The following LYPLAL1 variants were observed in gnomAD, a reference collection of about 807,000 sequenced individuals.
The protein encoded by LYPLAL1 is lysophospholipase like 1.
LYPLAL1 carries 23 observed loss-of-function variants against 19.7 expected under a neutral mutation model. The observed-to-expected ratio is 1.17, with a 90% CI of 0.84 to 1.65. The LOEUF is 1.65. Ranked by LOEUF, LYPLAL1 falls within the 40% of genes most tolerant of loss-of-function variation. The pLI, the probability that LYPLAL1 is intolerant of heterozygous loss-of-function variation, is 0.00. For missense variants in LYPLAL1, 355 were observed against 279.4 expected (o/e 1.27, Z -1.93); for synonymous variants, 119 against 96.3 (o/e 1.24, Z -1.38).
In LYPLAL1 at chr1:219,212,689, A is replaced by C. The variant is rs1412157141; in HGVS notation, c.*961A>C. ...CAATACCTGCCTGCTTTCATTCAAC[A>C]AAATTATCATGAGATTTTTCCATGT... On this transcript the variant is annotated 3_prime_UTR_variant, in exon 5 of 5. Coordinates refer to ENST00000366928, the MANE Select transcript of LYPLAL1 (RefSeq NM_138794.5). 6.6e-6 allele frequency: 1 copy of C among 152,090 alleles called. No individual in the cohort carries two copies. The highest frequency in any genetic ancestry group is 1.5e-5 in the Non-Finnish European group (1 of 67,960). 9.4% of individuals were successfully genotyped at this position (152,090 alleles called of 1,614,324 possible).
the LYPLAL1 span, among the ~76,000 whole-genome samples, chr1:219,291,875 C>T: frequency 3.5e-5 from 5 of 143,668 alleles, no homozygotes; most frequent in East Asian, 4.0e-4. Flanking sequence ...CAGGATAAAG[C>T]GGAATAAAGC....
the LYPLAL1 span, among the ~76,000 whole-genome samples, chr1:219,376,779 T>G: frequency 6.6e-6 from 1 of 152,158 alleles, no homozygotes; most frequent in Non-Finnish European, 1.5e-5. Context: ...TTCACGATCA[T>G]TAGAATGGGC....
chr1:219,307,372 C>T, the LYPLAL1 span, among the ~76,000 whole-genome samples: 1 of 152,126 alleles, frequency 6.6e-6, no homozygotes, highest in Non-Finnish European at 1.5e-5. Context: ...GAGATGGTTT[C>T]TTCCAAACCC....
At chr1:219,230,861 ATTC>A in the LYPLAL1 span, among the ~76,000 whole-genome samples, 1 of 152,230 alleles carries the variant, frequency 6.6e-6, no homozygotes, top group Non-Finnish European at 1.5e-5. Context: ...CAAGAGCTGA[ATTC>A]TTAAGACAAC....
At chr1:219,406,234 C>A in the LYPLAL1 span, among the ~76,000 whole-genome samples, 13 of 152,302 alleles carry the variant, frequency 8.5e-5, no homozygotes, top group Non-Finnish European at 1.6e-4. Flanking sequence ...GATTTTAATT[C>A]GCTAAATTTA....
At chr1:219,388,909 A>G in the LYPLAL1 span, among the ~76,000 whole-genome samples, 1 of 152,114 alleles carries the variant, frequency 6.6e-6, no homozygotes, top group African/African-American at 2.4e-5. Flanking sequence ...TCCTTAACTC[A>G]TTATGTGGTT....
At chr1:219,197,955 A>G (rs995159642) in intron 3 of LYPLAL1, among the ~76,000 whole-genome samples, 2 of 152,162 alleles carry the variant, frequency 1.3e-5, no homozygotes, top group Non-Finnish European at 2.9e-5. Context: ...CAGATTGCCC[A>G]TAAACCTCAA....
chr1:219,225,622 G>A, the LYPLAL1 span: 9 of 152,100 alleles, frequency 5.9e-5, no homozygotes, highest in Non-Finnish European at 1.3e-4. Flanking sequence ...CCAGCCTCTG[G>A]TTTCTCCTCT....
chr1:219,321,380 A>G, the LYPLAL1 span, among the ~76,000 whole-genome samples: 2 of 152,096 alleles, frequency 1.3e-5, no homozygotes, highest in African/African-American at 4.8e-5. Context: ...ATTTTCTCCC[A>G]TTCTGTAGGC....
the LYPLAL1 span, among the ~76,000 whole-genome samples, chr1:219,432,570 C>A: frequency 1.3e-5 from 2 of 152,048 alleles, no homozygotes; most frequent in East Asian, 1.9e-4. Context: ...GCCAAGCAAC[C>A]CATTCATCTC....
At chr1:219,210,428 C>G in intron 3 of LYPLAL1, 104 bp from the exon 4 acceptor site, 1 of 801,098 alleles carries the variant, frequency 1.2e-6, no homozygotes, top group Non-Finnish European at 1.9e-6. Flanking sequence ...TTAGCATTCT[C>G]TTTAAAGGTC....
chr1:219,373,732 G>A, the LYPLAL1 span, among the ~76,000 whole-genome samples: 2 of 151,936 alleles, frequency 1.3e-5, no homozygotes, highest in Non-Finnish European at 2.9e-5. Flanking sequence ...CTATTATAGC[G>A]AAGTACAGCA....
chr1:219,204,841 A>T (rs1658422836), intron 3 of LYPLAL1, among the ~76,000 whole-genome samples: 1 of 152,102 alleles, frequency 6.6e-6, no homozygotes, highest in Non-Finnish European at 1.5e-5. Context: ...GTTAAGAGAG[A>T]ATACTGTTAT....
the LYPLAL1 span, among the ~76,000 whole-genome samples, chr1:219,413,619 T>G: frequency 6.6e-6 from 1 of 152,236 alleles, no homozygotes; most frequent in African/African-American, 2.4e-5. Context: ...CTAGGGAAAG[T>G]AAGCAGCTGT....
At chr1:219,416,598 A>G in the LYPLAL1 span, among the ~76,000 whole-genome samples, 6 of 152,176 alleles carry the variant, frequency 3.9e-5, no homozygotes, top group African/African-American at 1.4e-4. Flanking sequence ...CCCACTTTTA[A>G]TTGTATGCAA....
At chr1:219,189,866 A>C (rs1260415928) in intron 2 of LYPLAL1, among the ~76,000 whole-genome samples, 1 of 151,654 alleles carries the variant, frequency 6.6e-6, no homozygotes, top group Non-Finnish European at 1.5e-5. Flanking sequence ...TTTTTTGATA[A>C]ATTTATTGGA....
chr1:219,323,959 G>A, the LYPLAL1 span, among the ~76,000 whole-genome samples: 1 of 152,068 alleles, frequency 6.6e-6, no homozygotes, highest in Non-Finnish European at 1.5e-5. Flanking sequence ...TCATGTTTTG[G>A]CAGATCATCA....
the LYPLAL1 span, among the ~76,000 whole-genome samples, chr1:219,376,611 A>G: frequency 6.6e-6 from 1 of 152,210 alleles, no homozygotes; most frequent in East Asian, 1.9e-4. Context: ...CTAAAACCCA[A>G]CAAGAAAACA....
chr1:219,176,305 CA>C (rs1433959348), intron 1 of LYPLAL1, among the ~76,000 whole-genome samples: 1 of 152,160 alleles, frequency 6.6e-6, no homozygotes, highest in Admixed American at 6.5e-5. Context: ...CAGTGGTAGT[CA>C]TCATACTTGT....
Sources: allele counts gnomAD v4.1 joint callset (sites outside exome capture counted in the v4.1 genomes callset), GRCh38; gene constraint gnomAD v4.1.1; transcripts MANE v1.5; gene names NCBI Gene and HGNC (gene_info 2026-07-23, HGNC 2026-07-21).